RANBP2: variants seen among roughly 807,000 people sequenced by gnomAD.
RANBP2 encodes RAN binding protein 2.
In RANBP2, 57 loss-of-function variants were observed where a neutral mutation model predicts 303.6. The ratio of observed to expected loss-of-function variants is 0.19; its 90% CI spans 0.15 to 0.23. The LOEUF (loss-of-function observed/expected upper bound fraction) is 0.23. Among genes scored for constraint, RANBP2 ranks in the 10% least tolerant of loss-of-function variants. The pLI is 1.00. For missense variants in RANBP2, 3,138 were observed against 3,780.8 expected (o/e 0.83, Z 4.46); for synonymous variants, 1,167 against 1,301.5 (o/e 0.90, Z 2.23).
chr2:108,848,485 T>C, the RANBP2 span, among the ~76,000 whole-genome samples: 1 of 152,148 alleles, frequency 6.6e-6, no homozygotes, highest in Non-Finnish European at 1.5e-5. Context: ...GATGAATAGG[T>C]TGATGAAGAT....
the RANBP2 span, among the ~76,000 whole-genome samples, chr2:109,255,523 A>G: frequency 6.6e-6 from 1 of 152,192 alleles, no homozygotes; most frequent in Non-Finnish European, 1.5e-5. Context: ...AAAATTAGCA[A>G]ATAACCCCAT....
the RANBP2 span, among the ~76,000 whole-genome samples, chr2:109,581,602 A>G: frequency 6.6e-6 from 1 of 152,110 alleles, no homozygotes; most frequent in Non-Finnish European, 1.5e-5. Flanking sequence ...GGGAATGGCT[A>G]AAGTGCATTC....
chr2:109,383,848 G>A, the RANBP2 span, among the ~76,000 whole-genome samples: 4 of 152,138 alleles, frequency 2.6e-5, no homozygotes, highest in East Asian at 1.9e-4. Context: ...TGATCAGTCC[G>A]TCCTTATACC....
chr2:109,280,854 A>G, the RANBP2 span, among the ~76,000 whole-genome samples: 6 of 152,204 alleles, frequency 3.9e-5, no homozygotes, highest in African/African-American at 1.4e-4. Context: ...TCCGTTGCAC[A>G]TTATTGCATA....
the RANBP2 span, among the ~76,000 whole-genome samples, chr2:108,890,367 C>G: frequency 1.3e-5 from 2 of 151,948 alleles, no homozygotes; most frequent in Non-Finnish European, 2.9e-5. Flanking sequence ...ACCTCAGCCT[C>G]CTTAGTAGCT....
chr2:108,897,243 T>C, the RANBP2 span: 1 of 1,610,158 alleles, frequency 6.2e-7, no homozygotes, highest in Admixed American at 1.7e-5. Context: ...CAGACACCAA[T>C]GGCCACAGTT....
At chr2:108,868,247 T>C in the RANBP2 span, among the ~76,000 whole-genome samples, 6 of 152,322 alleles carry the variant, frequency 3.9e-5, no homozygotes, top group East Asian at 3.9e-4. Context: ...TTGTCAGATA[T>C]CATATTAGTA....
intron 7 of RANBP2, among the ~76,000 whole-genome samples, chr2:108,745,109 G>T (rs3872463): frequency 3.0e-5 from 4 of 132,002 alleles, no homozygotes; most frequent in African/African-American, 3.7e-5. Context: ...GACATTAGCT[G>T]GCTTTTACTT....
chr2:109,424,798 C>T, the RANBP2 span, among the ~76,000 whole-genome samples: 1 of 152,186 alleles, frequency 6.6e-6, no homozygotes, highest in East Asian at 1.9e-4. Context: ...TACCTTTTCC[C>T]TTAGACACAA....
chr2:109,568,063 T>C, the RANBP2 span: 1 of 1,045,282 alleles, frequency 9.6e-7, no homozygotes, highest in Non-Finnish European at 1.4e-6. Flanking sequence ...CTGTTCATTC[T>C]GACAATGAAT....
intron 6 of RANBP2, among the ~76,000 whole-genome samples, chr2:108,737,297 A>C (rs1007077105): frequency 1.4e-5 from 2 of 146,014 alleles, no homozygotes; most frequent in African/African-American, 5.1e-5. Context: ...GACATCGAAG[A>C]TCTTTGTATG....
At chr2:109,643,375 G>T in the RANBP2 span, among the ~76,000 whole-genome samples, 1 of 152,110 alleles carries the variant, frequency 6.6e-6, no homozygotes, top group Admixed American at 6.5e-5. Flanking sequence ...ATTCCCAGAC[G>T]GTTAAGCATT....
the RANBP2 span, among the ~76,000 whole-genome samples, chr2:109,662,715 C>G: frequency 6.6e-6 from 1 of 152,222 alleles, no homozygotes; most frequent in South Asian, 2.1e-4. Context: ...CCGGCCTCAC[C>G]CTCTATATTT....
At chr2:109,726,890 A>G in the RANBP2 span, among the ~76,000 whole-genome samples, 1 of 152,182 alleles carries the variant, frequency 6.6e-6, no homozygotes, top group Middle Eastern at 3.2e-3. Flanking sequence ...CACTGGCTGC[A>G]TGCCACTACA....
At chr2:108,962,674 CAA>C in the RANBP2 span, among the ~76,000 whole-genome samples, 2,320 of 66,858 alleles carry the variant, frequency 0.035, 202 homozygotes, top group South Asian at 0.1. Context: ...GACTCTGTCT[CAA>C]AAAAAAAAAA....
At chr2:109,449,995 C>G in the RANBP2 span, among the ~76,000 whole-genome samples, 3 of 152,152 alleles carry the variant, frequency 2.0e-5, no homozygotes, top group African/African-American at 4.8e-5. Flanking sequence ...AGAATGCTGA[C>G]CTGATGGCTG....
chr2:109,130,852 A>G, the RANBP2 span, among the ~76,000 whole-genome samples: 2 of 152,210 alleles, frequency 1.3e-5, no homozygotes, highest in East Asian at 3.9e-4. Flanking sequence ...GATGGCTTCA[A>G]TGATTTGGTT....
the RANBP2 span, chr2:108,896,282 G>C: frequency 6.5e-6 from 1 of 153,216 alleles, no homozygotes; most frequent in East Asian, 1.9e-4. Flanking sequence ...AAACCACATA[G>C]GGTATTAACA....
the RANBP2 span, chr2:108,812,743 T>C: frequency 1.9e-6 from 3 of 1,608,932 alleles, no homozygotes; most frequent in South Asian, 3.3e-5. Flanking sequence ...GACAGAAGTA[T>C]GTTTTTAGAT....
Sources: gnomAD v4.1 joint callset for allele counts (sites outside exome capture counted in the v4.1 genomes callset) on GRCh38, gnomAD v4.1.1 for gene constraint, MANE v1.5 for transcripts, NCBI Gene and HGNC (gene_info 2026-07-23, HGNC 2026-07-21) for gene names.